Variants in GALNT6 observed in about 807,000 individuals in gnomAD.
GALNT6 encodes polypeptide N-acetylgalactosaminyltransferase 6, also known as GalNAc transferase 6.
GALNT6 carries 51 observed loss-of-function variants against 65.9 expected under a neutral mutation model. That is an observed-to-expected ratio of 0.77 (90% CI 0.62 to 0.98). GALNT6 has a LOEUF of 0.98. Ranked by LOEUF, GALNT6 falls within the 50% of genes least tolerant of loss-of-function variation. The pLI is 0.00. For synonymous variants in GALNT6, 323 were observed against 315.1 expected (o/e 1.02, Z -0.26); for missense variants, 708 against 803.3 (o/e 0.88, Z 1.43).
Position 51,377,208 on chromosome 12 carries a change from A to T in GALNT6, c.651T>A (p.Asp217Glu). ...ILLKEIILVDDASTEEHLKEK... is the reference protein window; with the variant it reads ...ILLKEIILVDEASTEEHLKEK... ...CTCCAGCCTCACCCTCTGTGCTGGC[A>T]TCATCCACCAGTATGATCTCCTTGA... Residue 217 changes from aspartate to glutamate, a missense_variant, in exon 4 of 12, where the codon GAT (aspartate) becomes GAA (glutamate). By Grantham distance (45) the Asp-to-Glu change is conservative (BLOSUM62 2). Coordinates refer to ENST00000356317, the MANE Select transcript of GALNT6 (RefSeq NM_007210.4). 6.2e-7 allele frequency: 1 copy of T among 1,613,616 alleles called. No homozygotes were observed. The highest frequency in any genetic ancestry group is 8.5e-7 in the Non-Finnish European group (1 of 1,179,994).
intron 4 of GALNT6, among the ~76,000 whole-genome samples, chr12:51,369,437 C>A (rs1947218976): frequency 6.6e-6 from 1 of 152,128 alleles, no homozygotes; most frequent in Admixed American, 6.5e-5. Context: ...ACCGGTGAGC[C>A]CAGCCACACA....
intron 2 of GALNT6, among the ~76,000 whole-genome samples, chr12:51,381,353 C>T (rs1329193267): frequency 6.6e-6 from 1 of 152,216 alleles, no homozygotes; most frequent in East Asian, 1.9e-4. Flanking sequence ...CATGGGCGTT[C>T]ACCAGGCTCC....
At chr12:51,355,208 A>G (rs1946709736) in intron 11 of GALNT6, among the ~76,000 whole-genome samples, 1 of 152,206 alleles carries the variant, frequency 6.6e-6, no homozygotes, top group Non-Finnish European at 1.5e-5. Flanking sequence ...GAGGACAAGC[A>G]GGAACTATGA....
chr12:51,364,373 G>A lies in GALNT6; in HGVS notation c.815-18C>T, dbSNP rs1486914663. On this transcript the variant is annotated intron_variant, in intron 5 of 11. Transcript: ENST00000356317. The stretch of plus-strand genomic sequence containing the variant: ...GCACTCACCTGCAGGCCCCAACCAG[G>A]AGGCAGCAGTCAGGGCCCTGCCCAC... 1 of 1,577,388 alleles carries A rather than the reference G, an allele frequency of 6.3e-7. No homozygotes were observed. The highest frequency in any genetic ancestry group is 1.1e-5 in the South Asian group (1 of 90,284).
rs759204308 is a variant in GALNT6, at chr12:51,360,800, T to C, written c.1088A>G (p.Lys363Arg). The stretch of plus-strand genomic sequence containing the variant: ...GGTACCGATGTGCTCAAAGTAGGAC[T>C]TGGAGATGGAGAAGAGGCCACCAGC... ...TFAGGLFSIS[K>R]SYFEHIGTYD... The change falls in exon 7 of 12, where the codon AAG becomes AGG. Residue 363 changes from lysine (K) to arginine (R), a missense_variant. Physicochemically the swap from Lys to Arg is conservative, Grantham distance 26. Transcript: ENST00000356317. 1.9e-6 allele frequency: 3 copies of C among 1,613,508 alleles called. No individual in the cohort carries two copies. The highest frequency in any genetic ancestry group is 1.7e-5 in the Admixed American group (1 of 59,990).
intron 11 of GALNT6, among the ~76,000 whole-genome samples, chr12:51,354,979 G>A (rs1042637363): frequency 6.6e-6 from 1 of 152,158 alleles, no homozygotes; most frequent in African/African-American, 2.4e-5. Flanking sequence ...GCAGTGTGGT[G>A]TAATGGAAAG....
chr12:51,377,385 C>G lies in GALNT6; in HGVS notation c.492-18G>C, dbSNP rs372284800. The G allele has an allele frequency of 7.5e-6, 12 of 1,610,596 alleles. No homozygotes were observed. In the South Asian group the frequency reaches 7.7e-5, roughly 10 times the overall value. ...CCACACACCTGGAAGTATGAAAGTA[C>G]GGACAAAGTTCTCCTGGTCCCTGGG... On this transcript the variant is annotated intron_variant, in intron 3 of 11. Transcript: ENST00000356317.
In GALNT6 at chr12:51,360,775, G is replaced by A; in HGVS notation, c.1113C>T (p.Thr371=). The A allele has an allele frequency of 6.2e-7, 1 of 1,613,728 alleles. No homozygotes were observed. Among genetic ancestry groups the A allele is most frequent in the Non-Finnish European group, 8.5e-7 (1 of 1,179,660 alleles). ...ISKSYFEHIG[T]YDNQMEIWGG... ...CCCAGATCTCCATCTGATTATCATA[G>A]GTACCGATGTGCTCAAAGTAGGACT... Residue 371 remains threonine (T), a synonymous_variant, in exon 7 of 12, where the codon ACC becomes ACT. Coordinates refer to ENST00000356317, the MANE Select transcript of GALNT6 (RefSeq NM_007210.4).
Position 51,362,490 on chromosome 12 carries a change from G to A in GALNT6, c.1049+1631C>T, listed in dbSNP as rs142252415. Among the ~76,000 whole-genome samples, 38 of 152,198 alleles carry A rather than the reference G, an allele frequency of 2.5e-4. No homozygotes were observed. In the East Asian group the frequency reaches 7.2e-3, roughly 29 times the overall value. On this transcript the variant is annotated intron_variant, in intron 6 of 11. Transcript: ENST00000356317. The stretch of plus-strand genomic sequence containing the variant: ...CCATGCATGCTACCGGGGCATGTGG[G>A]CCAAGGAGCACATTCATTCCTCAAA...
chr12:51,357,212 C>T, intron 10 of GALNT6, 137 bp downstream of exon 10: 1 of 624,534 alleles, frequency 1.6e-6, no homozygotes, highest in Middle Eastern at 4.3e-4. Context: ...TGTGTTATGC[C>T]TTCTCCTCCG....
In GALNT6 at chr12:51,379,369, T is replaced by A. The variant is rs774358946; in HGVS notation, c.413A>T (p.Lys138Met). Reference protein sequence around the residue: ...LETQEKEEGYKKHCFNAFASD... With the variant: ...LETQEKEEGYMKHCFNAFASD... ...GGCAAAGGCATTGAAACAGTGCTTCTTATAGCCTTCTTCCTTTTCCTGGGT... is the reference window on the plus strand; with the variant it reads ...GGCAAAGGCATTGAAACAGTGCTTCATATAGCCTTCTTCCTTTTCCTGGGT... Residue 138 changes from lysine (K) to methionine (M), a missense_variant, in exon 3 of 12, where the codon AAG becomes ATG. Lys to Met is a moderately conservative substitution (Grantham distance 95). Transcript: ENST00000356317. The A allele has an allele frequency of 1.9e-6, 3 of 1,574,900 alleles. No homozygotes were observed. Among genetic ancestry groups the A allele is most frequent in the Non-Finnish European group, 1.7e-6 (2 of 1,163,860 alleles).
At chr12:51,364,019 C>T in intron 6 of GALNT6, 102 bp downstream of exon 6, 1 of 797,908 alleles carries the variant, frequency 1.3e-6, no homozygotes. Flanking sequence ...ATGTCAAGTG[C>T]TTGATAGAGC....
chr12:51,358,298 C>T (rs748504330), intron 8 of GALNT6, 37 bp from the exon 9 acceptor site: 1 of 1,567,684 alleles, frequency 6.4e-7, no homozygotes, highest in Non-Finnish European at 8.6e-7. Flanking sequence ...ATCAGTTCCA[C>T]CAGTTTTTTT....
At chr12:51,379,225 TG>T in intron 3 of GALNT6, 65 bp downstream of exon 3, 1 of 1,464,368 alleles carries the variant, frequency 6.8e-7, no homozygotes, top group Non-Finnish European at 9.2e-7. Context: ...TCTATGGCCC[TG>T]GCCATACTAG....
chr12:51,367,244 C>A (rs186327037), intron 4 of GALNT6, among the ~76,000 whole-genome samples: 1 of 151,718 alleles, frequency 6.6e-6, no homozygotes, highest in East Asian at 1.9e-4. Flanking sequence ...GCAACAAGAG[C>A]GAAACTCCGT....
chr12:51,358,993 C>G (rs953555499), intron 8 of GALNT6, 139 bp downstream of exon 8: 2 of 701,594 alleles, frequency 2.9e-6, no homozygotes, highest in East Asian at 4.9e-5. Context: ...CTCCTGGGCT[C>G]TAGCTCACAG....
intron 5 of GALNT6, among the ~76,000 whole-genome samples, chr12:51,365,210 G>A (rs900441746): frequency 1.3e-5 from 2 of 152,178 alleles, no homozygotes; most frequent in African/African-American, 4.8e-5. Context: ...CACTTCCAGT[G>A]ATTTTGGGGT....
intron 11 of GALNT6, among the ~76,000 whole-genome samples, chr12:51,355,313 C>A (rs1244316173): frequency 2.0e-5 from 3 of 152,162 alleles, no homozygotes; most frequent in Non-Finnish European, 4.4e-5. Flanking sequence ...CCCATTTTTA[C>A]ATCAGTCATC....
At chr12:51,358,463 A>G (rs761865877) in intron 8 of GALNT6, among the ~76,000 whole-genome samples, 1 of 151,740 alleles carries the variant, frequency 6.6e-6, no homozygotes, top group Non-Finnish European at 1.5e-5. Context: ...ACCACGCCCA[A>G]TTAATTTTTG....
Sources: gnomAD v4.1 joint callset for allele counts (sites outside exome capture counted in the v4.1 genomes callset) on GRCh38, gnomAD v4.1.1 for gene constraint, MANE v1.5 for transcripts, NCBI Gene and HGNC (gene_info 2026-07-23, HGNC 2026-07-21) for gene names.